CSTPP1: variants seen among roughly 807,000 people sequenced by gnomAD.
The protein encoded by CSTPP1 is UPF0705 protein C11orf49.
the CSTPP1 span, chr11:47,159,644 AAGG>A: frequency 6.6e-6 from 3 of 456,138 alleles, no homozygotes; most frequent in Admixed American, 2.3e-5. Context: ...AGCCACTAGG[AAGG>A]AGAAGCCAAT....
the CSTPP1 span, among the ~76,000 whole-genome samples, chr11:47,110,438 T>C: frequency 6.6e-6 from 1 of 152,242 alleles, no homozygotes; most frequent in African/African-American, 2.4e-5. Context: ...CTTATACTGA[T>C]TTTAATAATG....
At chr11:47,093,654 T>TAC in the CSTPP1 span, among the ~76,000 whole-genome samples, 1 of 152,194 alleles carries the variant, frequency 6.6e-6, no homozygotes, top group Non-Finnish European at 1.5e-5. Flanking sequence ...TCCCAGTTTG[T>TAC]ATACTTTTTT....
chr11:47,101,196 T>TTTTTTTTTC, the CSTPP1 span, among the ~76,000 whole-genome samples: 1 of 129,766 alleles, frequency 7.7e-6, no homozygotes, highest in Non-Finnish European at 1.6e-5. Context: ...TTTTATTTTA[T>TTTTTTTTTC]TTTTAGTAGA....
chr11:47,057,385 C>T, the CSTPP1 span, among the ~76,000 whole-genome samples: 1 of 152,048 alleles, frequency 6.6e-6, no homozygotes, highest in Admixed American at 6.6e-5. Context: ...TCAATATATA[C>T]ATATATACAC....
At chr11:47,106,737 G>A in the CSTPP1 span, among the ~76,000 whole-genome samples, 2,696 of 152,242 alleles carry the variant, frequency 0.018, 190 homozygotes, top group East Asian at 0.13. Flanking sequence ...GCCCAGGAAT[G>A]TTTCCACAGA....
the CSTPP1 span, among the ~76,000 whole-genome samples, chr11:47,141,932 CAAAAAAAAA>C: frequency 2.1e-4 from 8 of 37,868 alleles, no homozygotes; most frequent in Non-Finnish European, 3.8e-4. Flanking sequence ...GACTCTGTCT[CAAAAAAAAA>C]AAAAAAAAAA....
the CSTPP1 span, chr11:47,160,883 C>CT: frequency 3.6e-6 from 2 of 548,978 alleles, no homozygotes; most frequent in East Asian, 6.4e-5. Flanking sequence ...CACCACACTC[C>CT]TTGGCTGTGG....
chr11:47,135,394 C>T, the CSTPP1 span, among the ~76,000 whole-genome samples: 4 of 152,244 alleles, frequency 2.6e-5, no homozygotes, highest in East Asian at 1.9e-4. Context: ...CCTGGTGAAT[C>T]GCAGAGCCAA....
the CSTPP1 span, among the ~76,000 whole-genome samples, chr11:46,955,717 C>T: frequency 4.3e-4 from 65 of 151,180 alleles, 1 homozygote; most frequent in African/African-American, 1.4e-3. Flanking sequence ...GTCGGCCTAG[C>T]GTGGTGGCTC....
the CSTPP1 span, among the ~76,000 whole-genome samples, chr11:47,142,349 T>G: frequency 6.6e-6 from 1 of 152,148 alleles, no homozygotes; most frequent in Admixed American, 6.5e-5. Flanking sequence ...CTGCAATTAC[T>G]TTTGCACCAA....
At chr11:46,990,379 A>G in the CSTPP1 span, among the ~76,000 whole-genome samples, 2 of 152,074 alleles carry the variant, frequency 1.3e-5, no homozygotes, top group South Asian at 4.1e-4. Flanking sequence ...TTTGATTTGC[A>G]TTTCTCTGAT....
the CSTPP1 span, among the ~76,000 whole-genome samples, chr11:46,989,180 A>G: frequency 6.6e-6 from 1 of 152,160 alleles, no homozygotes; most frequent in South Asian, 2.1e-4. Context: ...CAGTGAGCCA[A>G]GATGGTGCCA....
the CSTPP1 span, among the ~76,000 whole-genome samples, chr11:47,036,078 T>TAA: frequency 2.3e-4 from 4 of 17,226 alleles, no homozygotes; most frequent in African/African-American, 1.1e-3. Flanking sequence ...AATATATAAA[T>TAA]TATATATATT....
the CSTPP1 span, among the ~76,000 whole-genome samples, chr11:47,018,647 T>A: frequency 6.6e-6 from 1 of 152,200 alleles, no homozygotes; most frequent in South Asian, 2.1e-4. Flanking sequence ...CTGTACCAGT[T>A]AGTATTTCTA....
At chr11:47,001,673 T>G in the CSTPP1 span, among the ~76,000 whole-genome samples, 1 of 152,218 alleles carries the variant, frequency 6.6e-6, no homozygotes, top group Non-Finnish European at 1.5e-5. Flanking sequence ...CTTGTTATTT[T>G]TTTTTTCAGA....
the CSTPP1 span, among the ~76,000 whole-genome samples, chr11:47,101,163 A>ATTTTTT: frequency 2.4e-5 from 1 of 41,946 alleles, no homozygotes; most frequent in Non-Finnish European, 5.0e-5. Context: ...CACACCGGCT[A>ATTTTTT]ATTTTTTTTT....
At chr11:47,157,726 G>A in the CSTPP1 span, 2 of 1,330,578 alleles carry the variant, frequency 1.5e-6, no homozygotes, top group Admixed American at 1.8e-5. Context: ...TGGCTTGGCT[G>A]TGGGTATCCT....
the CSTPP1 span, among the ~76,000 whole-genome samples, chr11:47,061,557 C>T: frequency 1.3e-5 from 2 of 152,176 alleles, no homozygotes; most frequent in Admixed American, 1.3e-4. Flanking sequence ...GGGTGGCTGT[C>T]TTTGAATTAT....
chr11:46,985,552 A>G, the CSTPP1 span, among the ~76,000 whole-genome samples: 2 of 152,150 alleles, frequency 1.3e-5, no homozygotes, highest in African/African-American at 4.8e-5. Flanking sequence ...ACTGAATTGG[A>G]AGCTTCTATG....
Sources: gnomAD v4.1 joint callset for allele counts (sites outside exome capture counted in the v4.1 genomes callset) on GRCh38, gnomAD v4.1.1 for gene constraint, MANE v1.5 for transcripts, NCBI Gene and HGNC (gene_info 2026-07-23, HGNC 2026-07-21) for gene names.